Variants in COL22A1 observed in about 807,000 individuals in gnomAD.
The protein encoded by COL22A1 is collagen alpha-1(XXII) chain.
COL22A1 carries 221 observed loss-of-function variants against 248.9 expected under a neutral mutation model. That is an observed-to-expected ratio of 0.89 (90% CI 0.80 to 0.99). COL22A1 has a LOEUF of 0.99. COL22A1 is among the 50% of genes least tolerant of loss of function. The pLI is 0.00. For missense variants in COL22A1, 2,240 were observed against 2,179.0 expected (o/e 1.03, Z -0.56); for synonymous variants, 891 against 793.4 (o/e 1.12, Z -2.07).
chr8:138,912,530 C>A (rs151154397), intron 1 of COL22A1, among the ~76,000 whole-genome samples: 1 of 152,078 alleles, frequency 6.6e-6, no homozygotes, highest in Non-Finnish European at 1.5e-5. Flanking sequence ...CACCTGAGGT[C>A]GGGAGTTGGA....
intron 3 of COL22A1, among the ~76,000 whole-genome samples, chr8:138,847,921 G>GT (rs1396225247): frequency 1.3e-5 from 2 of 152,102 alleles, no homozygotes; most frequent in Non-Finnish European, 2.9e-5. Context: ...ATATGCCAGT[G>GT]TAACCAGCTG....
rs767142938 is a variant in COL22A1, at chr8:138,693,109, TC to T, written c.2754+536del. Among the ~76,000 whole-genome samples, 27 of 152,138 alleles carry T rather than the reference TC, an allele frequency of 1.8e-4. 4 individuals carry two copies. The highest frequency in any genetic ancestry group is 1.3e-3 in the Admixed American group (20 of 15,300). On this transcript the variant is annotated intron_variant, in intron 35 of 64. Transcript: ENST00000303045. ...TCCGCACCATGAGACAGAGCCCAAA[TC>T]AGCTCCAGGAACAAGTGCCAGCCCC...
intron 2 of COL22A1, among the ~76,000 whole-genome samples, chr8:138,881,017 C>T (rs990812354): frequency 2.6e-5 from 4 of 152,184 alleles, no homozygotes; most frequent in Non-Finnish European, 4.4e-5. Context: ...GATCTGAACC[C>T]GGGCAGGTGC....
At chr8:138,772,963 G>C (rs1168001638) in intron 16 of COL22A1, among the ~76,000 whole-genome samples, 1 of 152,224 alleles carries the variant, frequency 6.6e-6, no homozygotes, top group Non-Finnish European at 1.5e-5. Context: ...CTGAGTGCTG[G>C]GAGGCGTCTC....
intron 16 of COL22A1, among the ~76,000 whole-genome samples, chr8:138,766,561 AC>A (rs1451250369): frequency 6.6e-6 from 1 of 152,128 alleles, no homozygotes; most frequent in African/African-American, 2.4e-5. Context: ...GGAGAGAGAG[AC>A]AGAAAAAGAC....
At chr8:138,632,732 T>G (rs886357400) in intron 49 of COL22A1, among the ~76,000 whole-genome samples, 1 of 152,178 alleles carries the variant, frequency 6.6e-6, no homozygotes, top group African/African-American at 2.4e-5. Context: ...ATCAGATTTG[T>G]CTCTATCACT....
intron 12 of COL22A1, among the ~76,000 whole-genome samples, chr8:138,788,013 C>T (rs1219750899): frequency 1.3e-5 from 2 of 152,170 alleles, no homozygotes; most frequent in Non-Finnish European, 2.9e-5. Context: ...ACAAAAAGAT[C>T]GTTGCATTGC....
chr8:138,817,867 T>C (rs566920209), intron 7 of COL22A1, among the ~76,000 whole-genome samples: 2 of 152,304 alleles, frequency 1.3e-5, no homozygotes, highest in Admixed American at 1.3e-4. Flanking sequence ...TTTCTCTTGT[T>C]ACAGCTGAGG....
chr8:138,863,498 T>C (rs1310058878), intron 3 of COL22A1, among the ~76,000 whole-genome samples: 1 of 151,972 alleles, frequency 6.6e-6, no homozygotes. Context: ...GGCCTAGGGG[T>C]ACATGGATCA....
intron 32 of COL22A1, among the ~76,000 whole-genome samples, chr8:138,696,265 G>A (rs549362434): frequency 6.8e-4 from 103 of 152,252 alleles, no homozygotes; most frequent in African/African-American, 2.3e-3. Flanking sequence ...AGCCTGCTTA[G>A]GGGGACATCG....
rs369734295 is a variant in COL22A1 at position 138,794,002 on chromosome 8, C to A, written c.1596+2817G>T. ...TCTGACCTCCGGACCCCGGAAGTCCCGGATCCTGATTTGGAGGAATCCCCG... is the reference window on the plus strand; with the variant it reads ...TCTGACCTCCGGACCCCGGAAGTCCAGGATCCTGATTTGGAGGAATCCCCG... On this transcript the variant is annotated intron_variant, in intron 12 of 64. Transcript: ENST00000303045. 5.3e-5 allele frequency among the ~76,000 whole-genome samples: 8 copies of A among 152,300 alleles called. No individual in the cohort carries two copies. In the East Asian group the frequency reaches 1.2e-3, roughly 22 times the overall value.
chr8:138,888,403 C>CA (rs1824822812), intron 1 of COL22A1, among the ~76,000 whole-genome samples: 1 of 152,090 alleles, frequency 6.6e-6, no homozygotes, highest in Non-Finnish European at 1.5e-5. Flanking sequence ...CTCAGCCAGA[C>CA]AAAAAATAGG....
chr8:138,614,689 C>A (rs1204894601), intron 55 of COL22A1, among the ~76,000 whole-genome samples: 1 of 149,554 alleles, frequency 6.7e-6, no homozygotes. Context: ...TCACGATTCT[C>A]AAGCTGCCCT....
At chr8:138,753,970 G>A (rs1342255564) in intron 21 of COL22A1, among the ~76,000 whole-genome samples, 1 of 152,216 alleles carries the variant, frequency 6.6e-6, no homozygotes, top group Non-Finnish European at 1.5e-5. Context: ...GAAAACAGGA[G>A]AGGCTGCACA....
intron 41 of COL22A1, among the ~76,000 whole-genome samples, chr8:138,675,028 CA>C (rs937816221): frequency 6.6e-6 from 1 of 152,128 alleles, no homozygotes; most frequent in African/African-American, 2.4e-5. Flanking sequence ...ACAGTTTAAC[CA>C]AACTAGACAT....
At chr8:138,691,459 G>A (rs989801446) in intron 35 of COL22A1, among the ~76,000 whole-genome samples, 8 of 150,760 alleles carry the variant, frequency 5.3e-5, no homozygotes, top group South Asian at 2.1e-4. Flanking sequence ...ATGTGTGTAC[G>A]TCCGTGTGTG....
At chr8:138,873,428 C>G (rs1354298635) in intron 3 of COL22A1, among the ~76,000 whole-genome samples, 1 of 152,158 alleles carries the variant, frequency 6.6e-6, no homozygotes, top group Non-Finnish European at 1.5e-5. Flanking sequence ...AATTAACTGT[C>G]AGGCCACTGC....
intron 43 of COL22A1, among the ~76,000 whole-genome samples, chr8:138,661,631 A>G (rs1251646898): frequency 6.6e-6 from 1 of 152,196 alleles, no homozygotes; most frequent in East Asian, 1.9e-4. Context: ...AATGAGCATG[A>G]CATACATCTG....
chr8:138,734,927 A>C (rs559440816), intron 23 of COL22A1, among the ~76,000 whole-genome samples: 6 of 152,290 alleles, frequency 3.9e-5, no homozygotes, highest in African/African-American at 1.4e-4. Context: ...CAGAAAACCA[A>C]ATACCACATG....
Sources: allele counts gnomAD v4.1 joint callset (sites outside exome capture counted in the v4.1 genomes callset), GRCh38; gene constraint gnomAD v4.1.1; transcripts MANE v1.5; gene names NCBI Gene and HGNC (gene_info 2026-07-23, HGNC 2026-07-21).